SLC12A6: variants seen among roughly 807,000 people sequenced by gnomAD.
SLC12A6 encodes the protein K-Cl cotransporter 3.
A neutral mutation model predicts 135.3 loss-of-function variants in SLC12A6; 66 were observed. That is an observed-to-expected ratio of 0.49 (90% confidence interval 0.40 to 0.60). The LOEUF (loss-of-function observed/expected upper bound fraction) is 0.60, where lower values mean the gene tolerates loss of function less well. SLC12A6 is among the 20% of genes least tolerant of loss of function. The probability of loss-of-function intolerance (pLI) is 0.00; values close to 1 mark genes in which losing one functional copy is unlikely to be tolerated. For synonymous variants in SLC12A6, 513 were observed against 508.8 expected, an observed-to-expected ratio of 1.01 and a Z score of -0.11; for missense variants, 1,058 against 1,452.3, an observed-to-expected ratio of 0.73 and a Z score of 4.41.
chr15:34,323,704 AC>A (rs1207212281), intron 2 of SLC12A6, among the ~76,000 whole-genome samples: 1 of 152,184 alleles, frequency 6.6e-6, no homozygotes. Flanking sequence ...TAATCCCAGC[AC>A]TTTTGGGGGC....
chr15:34,238,635 G>A (rs904643518), intron 20 of SLC12A6: 5 of 601,450 alleles, frequency 8.3e-6, no homozygotes, highest in African/African-American at 1.9e-5. Context: ...ATTTCTAAGG[G>A]GGGATATGTG....
chr15:34,249,574 A>G (rs1892246529), intron 13 of SLC12A6, among the ~76,000 whole-genome samples: 1 of 152,178 alleles, frequency 6.6e-6, no homozygotes, highest in African/African-American at 2.4e-5. Context: ...CTCTAAATAA[A>G]TAAGTAGAAA....
At chr15:34,326,692 CTTTT>C (rs10550362) in intron 2 of SLC12A6, among the ~76,000 whole-genome samples, 350 of 135,296 alleles carry the variant, frequency 2.6e-3, no homozygotes, top group African/African-American at 7.5e-3. Context: ...CATTTTATTA[CTTTT>C]TTTTTTTTTT....
chr15:34,335,052 T>G (rs1020543316), intron 2 of SLC12A6, among the ~76,000 whole-genome samples: 10 of 152,228 alleles, frequency 6.6e-5, no homozygotes, highest in African/African-American at 2.4e-4. Flanking sequence ...ACCTGGAATT[T>G]TTACAACCTA....
At chr15:34,271,185 C>T (rs2140864141) in intron 3 of SLC12A6, among the ~76,000 whole-genome samples, 2 of 152,178 alleles carry the variant, frequency 1.3e-5, no homozygotes, top group South Asian at 4.1e-4. Flanking sequence ...GATTATTATA[C>T]AATATTTTTC....
At chr15:34,246,650 G>T (rs1167073970) in intron 13 of SLC12A6, among the ~76,000 whole-genome samples, 2 of 150,842 alleles carry the variant, frequency 1.3e-5, no homozygotes, top group Admixed American at 6.6e-5. Flanking sequence ...CTTAAGGCAG[G>T]TTTTGTTTTT....
intron 19 of SLC12A6, among the ~76,000 whole-genome samples, chr15:34,239,646 C>T (rs1468941105): frequency 6.6e-6 from 1 of 152,106 alleles, no homozygotes; most frequent in Non-Finnish European, 1.5e-5. Flanking sequence ...TTCCCATATG[C>T]TTTTTGACAT....
intron 2 of SLC12A6, among the ~76,000 whole-genome samples, chr15:34,326,765 C>T (rs1889490018): frequency 6.8e-6 from 1 of 147,968 alleles, no homozygotes; most frequent in Admixed American, 6.7e-5. Flanking sequence ...GATCATGGCT[C>T]ACTATAGCCT....
intron 13 of SLC12A6, 125 bp downstream of exon 13, chr15:34,250,173 G>A (rs1478885770): frequency 2.1e-5 from 16 of 761,516 alleles, no homozygotes; most frequent in Admixed American, 3.6e-5. Context: ...CCAAAGTGCC[G>A]GGATTACAGG....
chr15:34,244,194 G>C (rs1159812991), intron 15 of SLC12A6, 122 bp from the exon 16 acceptor site: 1 of 713,140 alleles, frequency 1.4e-6, no homozygotes, highest in Admixed American at 2.0e-5. Context: ...GATTAAGTAG[G>C]AAGTAGGGAA....
chr15:34,257,375 C>A (rs1341498248), intron 6 of SLC12A6, among the ~76,000 whole-genome samples: 1 of 152,218 alleles, frequency 6.6e-6, no homozygotes, highest in Non-Finnish European at 1.5e-5. Context: ...ATTCTGAATT[C>A]TCTGAAGACA....
rs75307067 is a variant in SLC12A6 at position 34,233,057 on chromosome 15, A to G, written c.*824T>C. The G allele has an allele frequency of 0.061, 9,296 of 152,260 alleles. 333 individuals are homozygous for G. Among genetic ancestry groups the G allele is most frequent in the Non-Finnish European group, 0.081 (5,503 of 68,020 alleles). The allele number at this position is 152,260 out of a possible 1,614,324, so 9.4% of individuals were successfully genotyped here. ...AGCTTGTATGTTTTGTCCATGTTGT[A>G]TAGAGAACCACAGACTATTTCAGTA... On this transcript the variant is annotated 3_prime_UTR_variant, in exon 26 of 26. Transcript: ENST00000354181.
At position 34,285,713 on chromosome 15, in the gene SLC12A6, TTTG is replaced by T. The variant is rs1294259915; in HGVS notation, c.272-10327_272-10325del. Among the ~76,000 whole-genome samples the T allele has an allele frequency of 1.3e-4, 6 of 45,164 alleles. No individual in the cohort carries two copies. The Admixed American group carries it at 1.7e-3, about 13-fold the overall frequency. 29.6% of individuals were successfully genotyped at this position (45,164 alleles called of 152,430 possible). ...CTATATGTGTGTGTGTGTGTGTGTG[TTTG>T]TCATACATAAAATGGAATATTATTC... On this transcript the variant is annotated intron_variant, in intron 2 of 25. Coordinates refer to ENST00000354181, the MANE Select transcript of SLC12A6 (RefSeq NM_001365088.1).
intron 2 of SLC12A6, among the ~76,000 whole-genome samples, chr15:34,287,801 C>T (rs1197969685): frequency 2.0e-5 from 3 of 152,162 alleles, no homozygotes; most frequent in African/African-American, 7.2e-5. Flanking sequence ...TGTTAATATC[C>T]TTTGCCCATT....
Position 34,323,640 on chromosome 15 carries a change from G to A in SLC12A6, c.271+12770C>T, listed in dbSNP as rs532129369. ...ACCAGCCTCTGGTGCCAAAAAGGTT[G>A]GGGACTGCTGATTTAAAAGACTGTT... On this transcript the variant is annotated intron_variant, in intron 2 of 25. Coordinates refer to ENST00000354181, the MANE Select transcript of SLC12A6 (RefSeq NM_001365088.1). 2.4e-4 allele frequency among the ~76,000 whole-genome samples: 36 copies of A among 152,268 alleles called. 2 individuals carry two copies. In the South Asian group the frequency reaches 7.5e-3, roughly 32 times the overall value.
intron 2 of SLC12A6, among the ~76,000 whole-genome samples, chr15:34,286,539 A>C (rs1895091670): frequency 6.6e-6 from 1 of 152,170 alleles, no homozygotes; most frequent in East Asian, 1.9e-4. Context: ...TCACGCCTGT[A>C]ATCCCAGCAC....
Position 34,270,055 on chromosome 15 carries a change from G to T in SLC12A6, c.316+5290C>A, listed in dbSNP as rs1188599644. On this transcript the variant is annotated intron_variant, in intron 3 of 25. Coordinates refer to ENST00000354181, the MANE Select transcript of SLC12A6 (RefSeq NM_001365088.1). ...CAAGTGGTTCAGTTAAAAACAGGAC[G>T]AATAATTCTTTCCCTTTACTGACCA... Among the ~76,000 whole-genome samples the T allele has an allele frequency of 2.0e-5, 3 of 151,894 alleles. 1 individual carries two copies. Among genetic ancestry groups the T allele is most frequent in the African/African-American group, 7.3e-5 (3 of 41,194 alleles).
chr15:34,319,921 T>C (rs934492948), intron 2 of SLC12A6, among the ~76,000 whole-genome samples: 27 of 151,974 alleles, frequency 1.8e-4, no homozygotes, highest in African/African-American at 6.3e-4. Context: ...TTAAGTGGCG[T>C]ACAGTTCCTT....
chr15:34,289,318 A>C (rs1280819970), intron 2 of SLC12A6, among the ~76,000 whole-genome samples: 1 of 152,226 alleles, frequency 6.6e-6, no homozygotes, highest in Non-Finnish European at 1.5e-5. Context: ...CCAGCCTTGC[A>C]TCCCAGGGAC....
Sources: allele counts gnomAD v4.1 joint callset (sites outside exome capture counted in the v4.1 genomes callset), GRCh38; gene constraint gnomAD v4.1.1; transcripts MANE v1.5; gene names NCBI Gene and HGNC (gene_info 2026-07-23, HGNC 2026-07-21).